The following SSH2 variants were observed in gnomAD, a reference collection of about 807,000 sequenced individuals.
SSH2 encodes the protein slingshot protein phosphatase 2.
SSH2 carries 37 observed loss-of-function variants against 135.2 expected under a neutral mutation model. The observed-to-expected ratio is 0.27, with a 90% CI of 0.21 to 0.36. SSH2 has a LOEUF of 0.36. SSH2 is among the 10% of genes least tolerant of loss of function. The pLI is 1.00. For missense variants in SSH2, 1,408 were observed against 1,765.3 expected, an observed-to-expected ratio of 0.80 and a Z score of 3.63; for synonymous variants, 628 against 646.2, an observed-to-expected ratio of 0.97 and a Z score of 0.43.
chr17:29,724,528 C>CAAAAAAAA (rs1174810786), intron 3 of SSH2, among the ~76,000 whole-genome samples: 7 of 60,598 alleles, frequency 1.2e-4, no homozygotes, highest in Admixed American at 2.7e-4. Context: ...AACTCTGTCT[C>CAAAAAAAA]AAAAAAAAAA....
intron 3 of SSH2, among the ~76,000 whole-genome samples, chr17:29,728,681 G>A (rs1315382264): frequency 6.6e-6 from 1 of 152,126 alleles, no homozygotes; most frequent in Non-Finnish European, 1.5e-5. Context: ...AAACAGCATG[G>A]TAATGTCATA....
At chr17:29,670,699 G>A (rs545290811) in intron 9 of SSH2, among the ~76,000 whole-genome samples, 3 of 152,134 alleles carry the variant, frequency 2.0e-5, no homozygotes, top group Non-Finnish European at 2.9e-5. Flanking sequence ...GCTTGAACCC[G>A]GGAGGCAGAG....
chr17:29,852,159 G>A (rs567349319), intron 1 of SSH2, among the ~76,000 whole-genome samples: 35 of 151,716 alleles, frequency 2.3e-4, no homozygotes, highest in African/African-American at 7.8e-4. Flanking sequence ...GTGCTCAATC[G>A]TAATCCCAGC....
chr17:29,673,921 A>G (rs1340658077), intron 8 of SSH2: 1 of 321,234 alleles, frequency 3.1e-6, no homozygotes, highest in Admixed American at 4.0e-5. Flanking sequence ...CTATTTTTCA[A>G]TCATTTGTTT....
At chr17:29,730,878 T>G (rs1219294265) in intron 3 of SSH2, among the ~76,000 whole-genome samples, 1 of 152,224 alleles carries the variant, frequency 6.6e-6, no homozygotes, top group Non-Finnish European at 1.5e-5. Flanking sequence ...AAAAATATGA[T>G]AAGGTGACTG....
Position 29,853,944 on chromosome 17 carries a change from CA to C in SSH2, c.64-5016del, listed in dbSNP as rs376740382. Among the ~76,000 whole-genome samples, 1,031 of 144,306 alleles carry C rather than the reference CA, an allele frequency of 7.1e-3. 28 individuals are homozygous for C. The highest frequency in any genetic ancestry group is 0.024 in the African/African-American group (941 of 39,164). 94.7% of individuals were successfully genotyped at this position (144,306 alleles called of 152,430 possible). On this transcript the variant is annotated intron_variant, in intron 1 of 15. Coordinates refer to ENST00000540801, the MANE Select transcript of SSH2 (RefSeq NM_001282129.2). ...AACATAGCAAGATAGGTGTCTCTAC[CA>C]AAAAAAAAAGTAATTAAAAAAAGCA...
chr17:29,724,998 T>C (rs1386600859), intron 3 of SSH2, among the ~76,000 whole-genome samples: 1 of 152,042 alleles, frequency 6.6e-6, no homozygotes, highest in East Asian at 1.9e-4. Context: ...GTTGAGAGCT[T>C]ATTATGTAGC....
intron 1 of SSH2, among the ~76,000 whole-genome samples, chr17:29,922,581 A>T (rs527795548): frequency 1.3e-5 from 2 of 152,204 alleles, no homozygotes; most frequent in African/African-American, 4.8e-5. Flanking sequence ...AAAATACGTG[A>T]CCTAACAATA....
At chr17:29,707,745 G>A (rs952699594) in intron 3 of SSH2, among the ~76,000 whole-genome samples, 3 of 151,970 alleles carry the variant, frequency 2.0e-5, no homozygotes, top group Non-Finnish European at 4.4e-5. Context: ...AGGCTGGTCT[G>A]GAACTCCTGA....
At chr17:29,744,839 A>T (rs540964529) in intron 3 of SSH2, among the ~76,000 whole-genome samples, 1 of 149,404 alleles carries the variant, frequency 6.7e-6, no homozygotes, top group African/African-American at 2.5e-5. Context: ...AAGAGAAAGA[A>T]GTTTTGCTTT....
intron 1 of SSH2, among the ~76,000 whole-genome samples, chr17:29,910,546 T>C (rs1020213961): frequency 6.6e-6 from 1 of 152,200 alleles, no homozygotes; most frequent in African/African-American, 2.4e-5. Context: ...ATACTTTTTG[T>C]CAATAGTATA....
In SSH2 at chr17:29,761,031, G is replaced by T. The variant is rs2041275599; in HGVS notation, c.188+32863C>A. On this transcript the variant is annotated intron_variant, in intron 3 of 15. Transcript: ENST00000540801. ...CAGACGCACGGAGACCTCCAGGCAA[G>T]CAGGATGCGCGCTCGCCCTCGCTTG... is the stretch of plus-strand genomic sequence containing the variant. The T allele has an allele frequency of 3.7e-6, 4 of 1,087,546 alleles. No homozygotes were observed. In the African/African-American group the frequency reaches 6.6e-5, roughly 18 times the overall value. 67.4% of individuals were successfully genotyped at this position (1,087,546 alleles called of 1,614,324 possible). A position where few individuals can be genotyped will look rare whatever the true frequency, so the allele number is the denominator to read the frequency against.
intron 3 of SSH2, among the ~76,000 whole-genome samples, chr17:29,748,295 T>C (rs1238887491): frequency 6.6e-6 from 1 of 152,034 alleles, no homozygotes; most frequent in Non-Finnish European, 1.5e-5. Context: ...TGCATCTTTA[T>C]ACTTTGACAG....
At chr17:29,684,437 A>T in intron 6 of SSH2, 126 bp downstream of exon 6, 1 of 873,428 alleles carries the variant, frequency 1.1e-6, no homozygotes, top group Non-Finnish European at 1.7e-6. Flanking sequence ...AGATTGAGCC[A>T]CTGCACTCTA....
intron 2 of SSH2, among the ~76,000 whole-genome samples, chr17:29,806,409 T>C (rs1169446057): frequency 6.6e-6 from 1 of 152,198 alleles, no homozygotes; most frequent in Non-Finnish European, 1.5e-5. Context: ...AGGTTGCTCC[T>C]CTTGTGTTAA....
In SSH2 at chr17:29,896,592, A is replaced by G. The variant is rs1450575602; in HGVS notation, c.63+33346T>C. Among the ~76,000 whole-genome samples, 11 of 151,168 alleles carry G rather than the reference A, an allele frequency of 7.3e-5. No individual in the cohort carries two copies. The Admixed American group carries it at 7.3e-4, about 10-fold the overall frequency. On this transcript the variant is annotated intron_variant, in intron 1 of 15. Transcript: ENST00000540801. ...TAAAATACATTATAAAATGTATTTT[A>G]TACATTCTTTTATCTATATGGTCCA...
intron 3 of SSH2, chr17:29,761,466 G>C: frequency 1.0e-6 from 1 of 994,374 alleles, no homozygotes; most frequent in Non-Finnish European, 1.2e-6. Flanking sequence ...CCCCACCCGC[G>C]TCCGGGGCGG....
chr17:29,656,540 CAGG>C lies in SSH2; in HGVS notation c.1033-936_1033-934del, dbSNP rs1439803336. The stretch of plus-strand genomic sequence containing the variant: ...GTTAAAGGACAGAACTTGTGTGTGG[CAGG>C]AGAAGACACTGAAATAGCAGCTTCT... On this transcript the variant is annotated intron_variant, in intron 11 of 15. Transcript: ENST00000540801. 2.6e-5 allele frequency among the ~76,000 whole-genome samples: 4 copies of C among 152,244 alleles called. No homozygotes were observed. The East Asian group carries it at 5.8e-4, about 22-fold the overall frequency.
intron 5 of SSH2, among the ~76,000 whole-genome samples, chr17:29,687,118 T>C (rs2038256762): frequency 6.6e-6 from 1 of 152,226 alleles, no homozygotes; most frequent in Non-Finnish European, 1.5e-5. Context: ...GGAACTTTTT[T>C]TTCAGTGCTG....
Sources: gnomAD v4.1 joint callset for allele counts (sites outside exome capture counted in the v4.1 genomes callset) on GRCh38, gnomAD v4.1.1 for gene constraint, MANE v1.5 for transcripts, NCBI Gene and HGNC (gene_info 2026-07-23, HGNC 2026-07-21) for gene names.